KCNT2: variants seen among roughly 807,000 people sequenced by gnomAD.
KCNT2 encodes potassium channel subfamily T member 2.
KCNT2 carries 67 observed loss-of-function variants against 153.8 expected under a neutral mutation model. That is an observed-to-expected ratio of 0.44 (90% CI 0.36 to 0.53). KCNT2 has a LOEUF of 0.53. Among genes scored for constraint, KCNT2 ranks in the 20% least tolerant of loss-of-function variants. KCNT2 has a pLI of 0.00. For missense variants in KCNT2, 975 were observed against 1,354.8 expected (o/e 0.72, Z 4.40); for synonymous variants, 500 against 458.8 (o/e 1.09, Z -1.15).
At chr1:196,379,565 TTCTC>T (rs67709356) in intron 13 of KCNT2, among the ~76,000 whole-genome samples, 13,550 of 136,024 alleles carry the variant, frequency 0.1, 715 homozygotes, top group East Asian at 0.19. Flanking sequence ...CAGTGAGACT[TTCTC>T]TCTCTCTCTC....
rs1391516636 is a variant in KCNT2, at chr1:196,593,586, G to A, written c.95+14629C>T. On this transcript the variant is annotated intron_variant, in intron 1 of 27. Transcript: ENST00000294725. ...GTAACAGAAAGGATAAATGCTTGGGGGGATGGATATCCCATTTTCCATGAT... is the reference window on the plus strand; with the variant it reads ...GTAACAGAAAGGATAAATGCTTGGGAGGATGGATATCCCATTTTCCATGAT... Among the ~76,000 whole-genome samples, 2 of 151,742 alleles carry A rather than the reference G, an allele frequency of 1.3e-5. 1 individual carries two copies. The highest frequency in any genetic ancestry group is 4.1e-4 in the South Asian group (2 of 4,824).
chr1:196,290,548 G>T (rs1366052753), intron 22 of KCNT2, among the ~76,000 whole-genome samples: 2 of 151,330 alleles, frequency 1.3e-5, no homozygotes, highest in Non-Finnish European at 1.5e-5. Flanking sequence ...ATGTGTGTGT[G>T]TGTGTATATG....
chr1:196,331,019 A>C (rs558819926), intron 18 of KCNT2, 137 bp downstream of exon 18: 1 of 590,410 alleles, frequency 1.7e-6, no homozygotes, highest in Non-Finnish European at 3.1e-6. Context: ...ACTTTATATA[A>C]ATTTACATTG....
chr1:196,570,772 C>A (rs548890715), intron 1 of KCNT2, among the ~76,000 whole-genome samples: 2 of 152,064 alleles, frequency 1.3e-5, no homozygotes, highest in Non-Finnish European at 2.9e-5. Flanking sequence ...TTCTTACTTG[C>A]TACTGGATCT....
At chr1:196,335,497 A>C (rs1305874973) in intron 16 of KCNT2, among the ~76,000 whole-genome samples, 3 of 152,122 alleles carry the variant, frequency 2.0e-5, no homozygotes, top group African/African-American at 7.2e-5. Flanking sequence ...ATTCTAACAC[A>C]ATGGTAATCT....
chr1:196,484,638 C>G (rs1679273558), intron 3 of KCNT2, among the ~76,000 whole-genome samples: 1 of 152,054 alleles, frequency 6.6e-6, no homozygotes, highest in South Asian at 2.1e-4. Flanking sequence ...TGGTTTTCTT[C>G]TAGGGCTTTT....
At chr1:196,549,794 A>G (rs1236541105) in intron 1 of KCNT2, among the ~76,000 whole-genome samples, 1 of 151,910 alleles carries the variant, frequency 6.6e-6, no homozygotes, top group Non-Finnish European at 1.5e-5. Flanking sequence ...TTTCTTGAAT[A>G]GAGTCTGAGT....
chr1:196,427,106 G>A (rs986500559), intron 10 of KCNT2, among the ~76,000 whole-genome samples: 1 of 151,822 alleles, frequency 6.6e-6, no homozygotes, highest in South Asian at 2.1e-4. Flanking sequence ...TTTCCTTTAT[G>A]AGTTATGATA....
At chr1:196,256,709 A>AATATAT (rs144323772) in intron 26 of KCNT2, among the ~76,000 whole-genome samples, 262 of 144,170 alleles carry the variant, frequency 1.8e-3, no homozygotes, top group South Asian at 6.8e-3. Flanking sequence ...TTATCATGGA[A>AATATAT]ATATATATAT....
At chr1:196,429,459 G>T in intron 9 of KCNT2, 118 bp downstream of exon 9, 1 of 539,594 alleles carries the variant, frequency 1.9e-6, no homozygotes, top group Non-Finnish European at 3.3e-6. Context: ...TGTAATGATA[G>T]TATGTGTTAG....
chr1:196,366,026 A>C (rs923950270), intron 14 of KCNT2, among the ~76,000 whole-genome samples: 2 of 152,160 alleles, frequency 1.3e-5, no homozygotes, highest in Non-Finnish European at 2.9e-5. Context: ...GTTCATCAAC[A>C]TTCTTATAAT....
intron 20 of KCNT2, 86 bp from the exon 21 acceptor site, chr1:196,316,112 G>C: frequency 8.1e-7 from 1 of 1,235,016 alleles, no homozygotes; most frequent in East Asian, 2.6e-5. Flanking sequence ...TATCCCCTGT[G>C]CTTATATAAG....
At chr1:196,522,396 T>C (rs1431425246) in intron 1 of KCNT2, among the ~76,000 whole-genome samples, 1 of 152,216 alleles carries the variant, frequency 6.6e-6, no homozygotes, top group East Asian at 1.9e-4. Flanking sequence ...GATGTACATT[T>C]ACCAAAATGA....
At chr1:196,513,601 C>G (rs1341799206) in intron 1 of KCNT2, among the ~76,000 whole-genome samples, 4 of 152,152 alleles carry the variant, frequency 2.6e-5, no homozygotes, top group Admixed American at 6.6e-5. Flanking sequence ...GTTAACTAAG[C>G]TCTCTTTTGC....
chr1:196,570,977 C>A (rs2148950275), intron 1 of KCNT2, among the ~76,000 whole-genome samples: 1 of 152,186 alleles, frequency 6.6e-6, no homozygotes, highest in South Asian at 2.1e-4. Flanking sequence ...CTGGCCTACT[C>A]CTACCACACT....
chr1:196,383,154 A>G (rs1669652372), intron 13 of KCNT2, among the ~76,000 whole-genome samples: 1 of 152,164 alleles, frequency 6.6e-6, no homozygotes, highest in Non-Finnish European at 1.5e-5. Context: ...ATGAAATGGA[A>G]TAATGGTTCT....
In KCNT2 at chr1:196,471,439, A is replaced by G. The variant is rs1474566433; in HGVS notation, c.385-2371T>C. Among the ~76,000 whole-genome samples, 5 of 152,170 alleles carry G rather than the reference A, an allele frequency of 3.3e-5. 1 individual carries two copies. Among genetic ancestry groups the G allele is most frequent in the Non-Finnish European group, 7.3e-5 (5 of 68,034 alleles). On this transcript the variant is annotated intron_variant, in intron 5 of 27. Transcript: ENST00000294725. ...TGTTTTTTTTTAATTGTGCAGGTGA[A>G]TAATATCATTTCTTTCATCAGTTTT...
At chr1:196,344,375 A>T (rs1279565655) in intron 14 of KCNT2, among the ~76,000 whole-genome samples, 1 of 152,134 alleles carries the variant, frequency 6.6e-6, no homozygotes, top group Non-Finnish European at 1.5e-5. Context: ...GTATTTTTGG[A>T]AGTAGGAAAA....
chr1:196,378,219 A>G (rs984569830), intron 13 of KCNT2, among the ~76,000 whole-genome samples: 1 of 152,170 alleles, frequency 6.6e-6, no homozygotes, highest in African/African-American at 2.4e-5. Flanking sequence ...CTATGGACCA[A>G]TGACTACTGT....
Sources: allele counts gnomAD v4.1 joint callset (sites outside exome capture counted in the v4.1 genomes callset), GRCh38; gene constraint gnomAD v4.1.1; transcripts MANE v1.5; gene names NCBI Gene and HGNC (gene_info 2026-07-23, HGNC 2026-07-21).